Variants in NOS3 observed in about 807,000 individuals in gnomAD.
NOS3 encodes the protein NOS type III.
Under a neutral mutation model 144.9 loss-of-function variants are expected in NOS3, and 98 were observed. The observed-to-expected ratio is 0.68, with a 90% CI of 0.57 to 0.80. The LOEUF (loss-of-function observed/expected upper bound fraction) is 0.80. Among genes scored for constraint, NOS3 ranks in the 30% least tolerant of loss-of-function variants. The pLI, the probability that NOS3 is intolerant of heterozygous loss-of-function variation, is 0.00. For synonymous variants in NOS3, 714 were observed against 702.4 expected (o/e 1.02, Z -0.26); for missense variants, 1,465 against 1,656.4 (o/e 0.88, Z 2.01).
At chr7:151,011,242 T>C (rs2117135485) in intron 23 of NOS3, among the ~76,000 whole-genome samples, 1 of 152,132 alleles carries the variant, frequency 6.6e-6, no homozygotes. Context: ...TGTGGCTTTC[T>C]GAAAGCTTCT....
In NOS3 at chr7:150,996,396, C is replaced by T. The variant is rs1448377933; in HGVS notation, c.271-8C>T. 3.3e-6 allele frequency: 5 copies of T among 1,492,864 alleles called. No homozygotes were observed. In the South Asian group the frequency reaches 4.9e-5, roughly 15 times the overall value. The allele number at this position is 1,492,864 out of a possible 1,614,324, so 92.5% of individuals were successfully genotyped here. A position where few individuals can be genotyped will look rare whatever the true frequency, so the allele number is the denominator to read the frequency against. ...GCCTGTCCTGACCTTTGCACTCCCT[C>T]GACCCAGGATGGGCCCTGCACCCCA... is the stretch of plus-strand genomic sequence containing the variant. On this transcript the variant is annotated splice_region_variant and splice_polypyrimidine_tract_variant and intron_variant, in intron 3 of 26. Coordinates refer to ENST00000297494, the MANE Select transcript of NOS3 (RefSeq NM_000603.5).
intron 23 of NOS3, among the ~76,000 whole-genome samples, chr7:151,011,310 T>G (rs1795299250): frequency 6.6e-6 from 1 of 151,962 alleles, no homozygotes; most frequent in African/African-American, 2.4e-5. Flanking sequence ...ACCTGGGAAC[T>G]ACAGTCACTA....
rs201375634 is a variant in NOS3, at chr7:151,009,162, G to A, written c.2246-27G>A. ...CAGGCCCTGCTCCCTAGCTCAGGCT[G>A]CCTCATTTGCCCCTCCCCGCCCCCA... On this transcript the variant is annotated intron_variant, in intron 18 of 26. Transcript: ENST00000297494. 364 of 1,613,530 alleles carry A rather than the reference G, an allele frequency of 2.3e-4. 2 individuals carry two copies. In the African/African-American group the frequency reaches 4.4e-3, roughly 19 times the overall value.
rs1296560397 is a variant in NOS3, at chr7:151,002,968, A to C, written c.1752+664A>C. The stretch of plus-strand genomic sequence containing the variant: ...CATAGATTAAATAACTTCACTTTTT[A>C]AAAAGAAACACAAAGCTAGAGTACC... On this transcript the variant is annotated intron_variant, in intron 14 of 26. Coordinates refer to ENST00000297494, the MANE Select transcript of NOS3 (RefSeq NM_000603.5). The surrounding 1 kb of genome is among the most constrained non-coding windows in gnomAD (Gnocchi z 4.1). The C allele has an allele frequency of 8.3e-6, 2 of 241,558 alleles. No individual in the cohort carries two copies. Among genetic ancestry groups the C allele is most frequent in the Non-Finnish European group, 1.7e-5 (2 of 119,522 alleles). The allele number at this position is 241,558 out of a possible 1,614,324, so 15.0% of individuals were successfully genotyped here. A position where few individuals can be genotyped will look rare whatever the true frequency, so the allele number is the denominator to read the frequency against.
Position 151,003,731 on chromosome 7 carries a change from A to T in NOS3, c.1752+1427A>T. 2.0e-6 allele frequency: 1 copy of T among 488,852 alleles called. No individual in the cohort carries two copies. The highest frequency in any genetic ancestry group is 4.1e-6 in the Non-Finnish European group (1 of 242,664). The allele number at this position is 488,852 out of a possible 1,614,324, so 30.3% of individuals were successfully genotyped here. A position where few individuals can be genotyped will look rare whatever the true frequency, so the allele number is the denominator to read the frequency against. On this transcript the variant is annotated intron_variant, in intron 14 of 26. Coordinates refer to ENST00000297494, the MANE Select transcript of NOS3 (RefSeq NM_000603.5). The surrounding 1 kb of genome is among the most constrained non-coding windows in gnomAD (Gnocchi z 4.1). ...TCTAGAACGGCACCTAGATGGAAGC[A>T]CGCAGTGTTGCGGCGTCTCCTGCTG...
At position 150,998,406 on chromosome 7, in the gene NOS3, T is replaced by G. The variant is rs767896526; in HGVS notation, c.632T>G (p.Ile211Ser). ...TCTGCACAGGAAATGTTCACCTACA[T>G]CTGCAACCACATCAAGTATGCCACC... ...CRSAQEMFTYICNHIKYATNR... is the reference protein window; with the variant it reads ...CRSAQEMFTYSCNHIKYATNR... Residue 211 changes from isoleucine to serine, a missense_variant, in exon 6 of 27, where the codon ATC becomes AGC. By Grantham distance (142) the Ile-to-Ser change is moderately radical. Around this residue, in one of 5 missense-constraint regions of NOS3, gnomAD observed 374 missense variants for 377.0 expected, o/e 0.99. Transcript: ENST00000297494. This position sits in a 1 kb window ranked among gnomAD's most constrained non-coding sequence, Gnocchi z 5.0. 6.2e-7 allele frequency: 1 copy of G among 1,612,532 alleles called. No individual in the cohort carries two copies. Among genetic ancestry groups the G allele is most frequent in the Non-Finnish European group, 8.5e-7 (1 of 1,179,872 alleles).
Position 150,998,940 on chromosome 7 carries a change from C to T in NOS3, c.817-6C>T. On this transcript the variant is annotated splice_region_variant and splice_polypyrimidine_tract_variant and intron_variant, in intron 7 of 26. Coordinates refer to ENST00000297494, the MANE Select transcript of NOS3 (RefSeq NM_000603.5). This position sits in a 1 kb window ranked among gnomAD's most constrained non-coding sequence, Gnocchi z 5.0. ...CCCAGAACCCCCTCTGGCCCACTCC[C>T]CACAGCTCTGCATTCAGCACGGCTG... is the stretch of plus-strand genomic sequence containing the variant. 1 of 1,610,588 alleles carries T rather than the reference C, an allele frequency of 6.2e-7. No individual in the cohort carries two copies.
intron 4 of NOS3, 62 bp downstream of exon 4, chr7:150,996,614 C>A (rs144900574): frequency 6.5e-7 from 1 of 1,535,332 alleles, no homozygotes; most frequent in Non-Finnish European, 8.8e-7. Context: ...AACCCCGTGA[C>A]GACCTTCCCA....
rs1316671284 is a variant in NOS3 at position 151,010,125 on chromosome 7, C to T, written c.2523C>T (p.Pro841=). 1 of 1,600,622 alleles carries T rather than the reference C, an allele frequency of 6.2e-7. No homozygotes were observed. The highest frequency in any genetic ancestry group is 1.1e-5 in the South Asian group (1 of 90,058). The change falls in exon 21 of 27, where the codon CCC becomes CCT. Residue 841 remains proline, a synonymous_variant. Transcript: ENST00000297494. ...GTGCACTATCCCCAGGTGGCCCTCC[C>T]CCCGGCTGGGTGCGGGACCCCCGGC... The part of the protein sequence containing the change: ...QLEKGSPGGP[P]PGWVRDPRLP...
chr7:151,007,375 G>C, intron 17 of NOS3, 99 bp downstream of exon 17: 2 of 1,333,434 alleles, frequency 1.5e-6, no homozygotes, highest in South Asian at 3.0e-5. Flanking sequence ...GTCCCTTCCT[G>C]TTCCTTCCAA....
chr7:151,014,258 TGAG>T lies in NOS3; in HGVS notation c.*91_*93del, dbSNP rs1423289899. 2 of 1,312,760 alleles carry T rather than the reference TGAG, an allele frequency of 1.5e-6. No homozygotes were observed. Among genetic ancestry groups the T allele is most frequent in the African/African-American group, 2.9e-5 (2 of 67,986 alleles). The allele number at this position is 1,312,760 out of a possible 1,614,324, so 81.3% of individuals were successfully genotyped here. A position where few individuals can be genotyped will look rare whatever the true frequency, so the allele number is the denominator to read the frequency against. ...AGGATCAGCCCCGCTCCTCCCCTCT[TGAG>T]GTGGTGCCTTCTCACATCTGTCCAG... is the stretch of plus-strand genomic sequence containing the variant. On this transcript the variant is annotated 3_prime_UTR_variant, in exon 27 of 27. Transcript: ENST00000297494.
chr7:150,996,326 ACCCCTCCTCCCTGC>A, intron 3 of NOS3, 64 bp from the exon 4 acceptor site: 1 of 62,762 alleles, frequency 1.6e-5, no homozygotes, highest in Non-Finnish European at 3.4e-5. Context: ...CCACCCCTGC[ACCCCTCCTCCCTGC>A]CCCCAACTCC....
Position 150,993,734 on chromosome 7 carries a change from TC to T in NOS3, c.-51-15del. 2 of 1,505,474 alleles carry T rather than the reference TC, an allele frequency of 1.3e-6. No homozygotes were observed. The highest frequency in any genetic ancestry group is 4.6e-5 in the East Asian group (2 of 43,410). The allele number at this position is 1,505,474 out of a possible 1,614,324, so 93.3% of individuals were successfully genotyped here. ...CCCTCCCACTGCCCCCTCCTCTCGGTCCCCTCCCTCTTCCTAAGGAAAAGGC... is the reference window on the plus strand; with the variant it reads ...CCCTCCCACTGCCCCCTCCTCTCGGTCCCTCCCTCTTCCTAAGGAAAAGGC... On this transcript the variant is annotated intron_variant, in intron 1 of 26. Transcript: ENST00000297494. The surrounding 1 kb of genome is among the most constrained non-coding windows in gnomAD (Gnocchi z 4.0).
At position 151,014,160 on chromosome 7, in the gene NOS3, C is replaced by T. The variant is rs1795386951; in HGVS notation, c.3603C>T (p.Asn1201=). 1 of 1,604,428 alleles carries T rather than the reference C, an allele frequency of 6.2e-7. No homozygotes were observed. The highest frequency in any genetic ancestry group is 8.5e-7 in the Non-Finnish European group (1 of 1,173,574). ...TCGACCCTCCCGGCTCAGACACCAA[C>T]AGCCCCTGAGAGCCGCCTGGCTTTC... The part of the protein sequence containing the change: ...WAFDPPGSDT[N]SP The change falls in exon 27 of 27, where the codon AAC becomes AAT. Residue 1201 remains asparagine (N), a synonymous_variant. Transcript: ENST00000297494.
intron 24 of NOS3, 105 bp from the exon 25 acceptor site, chr7:151,013,126 G>C: frequency 7.8e-7 from 1 of 1,280,394 alleles, no homozygotes. Flanking sequence ...GGTGGTTTCA[G>C]CCCAAAACGC....
chr7:151,013,442 C>T, intron 25 of NOS3, 63 bp downstream of exon 25: 3 of 1,543,030 alleles, frequency 1.9e-6, no homozygotes, highest in South Asian at 1.2e-5. Flanking sequence ...GACTCGCGCT[C>T]TCCAGCGGGG....
At chr7:151,011,785 A>G (rs1459732091) in intron 23 of NOS3, 6 of 417,594 alleles carry the variant, frequency 1.4e-5, no homozygotes, top group Admixed American at 2.7e-5. Flanking sequence ...CCGCCTCCCA[A>G]AGTCTTGGGA....
At position 150,993,279 on chromosome 7, in the gene NOS3, T is replaced by C. The variant is rs143880282; in HGVS notation, c.-51-474T>C. Among the ~76,000 whole-genome samples the C allele has an allele frequency of 6.6e-6, 1 of 152,230 alleles. No homozygotes were observed. The highest frequency in any genetic ancestry group is 2.4e-5 in the African/African-American group (1 of 41,538). ...GGGGATCCAGGAGTTCTTGTATGTA[T>C]GGGGGGAGGTGAAGGAGAGAACCTG... On this transcript the variant is annotated intron_variant, in intron 1 of 26. Transcript: ENST00000297494. This position sits in a 1 kb window ranked among gnomAD's most constrained non-coding sequence, Gnocchi z 4.0.
At chr7:150,991,874 T>C (rs1159471714) in intron 1 of NOS3, among the ~76,000 whole-genome samples, 1 of 152,044 alleles carries the variant, frequency 6.6e-6, no homozygotes, top group Non-Finnish European at 1.5e-5. Flanking sequence ...TGGGTACCTG[T>C]AATCTCAGCT....
Sources: allele counts gnomAD v4.1 joint callset (sites outside exome capture counted in the v4.1 genomes callset), GRCh38; gene constraint gnomAD v4.1.1; regional missense constraint gnomAD v4.1.1; non-coding constraint Gnocchi (gnomAD v3.1); transcripts MANE v1.5; gene names NCBI Gene and HGNC (gene_info 2026-07-23, HGNC 2026-07-21).